Variants in NAT1 observed in about 807,000 individuals in gnomAD.
NAT1 encodes the protein N-acetyltransferase 1.
For missense variants in NAT1, 400 were observed against 339.2 expected, an observed-to-expected ratio of 1.18 and a Z score of -1.41; for synonymous variants, 144 against 122.6, an observed-to-expected ratio of 1.17 and a Z score of -1.16.
intron 2 of NAT1, among the ~76,000 whole-genome samples, chr8:18,189,786 T>C (rs777763603): frequency 5.9e-5 from 9 of 152,140 alleles, no homozygotes; most frequent in South Asian, 2.1e-4. Context: ...TTATGTAGTA[T>C]TGACATTTGA....
chr8:18,196,570 G>A (rs1003717048), intron 2 of NAT1, among the ~76,000 whole-genome samples: 5 of 152,086 alleles, frequency 3.3e-5, no homozygotes, highest in African/African-American at 7.2e-5. Flanking sequence ...ACTTATTACC[G>A]ATACATCTGA....
chr8:18,205,124 T>C (rs141017407), upstream of NAT1, among the ~76,000 whole-genome samples: 11 of 152,294 alleles, frequency 7.2e-5, no homozygotes, highest in East Asian at 2.1e-3. Context: ...AAGCATTTCA[T>C]AGTGCGGTTA....
At chr8:18,184,631 T>C (rs1802657900) in intron 2 of NAT1, among the ~76,000 whole-genome samples, 1 of 152,166 alleles carries the variant, frequency 6.6e-6, no homozygotes, top group African/African-American at 2.4e-5. Flanking sequence ...TATTTGAATG[T>C]TTGTCCCTTC....
In NAT1 at chr8:18,222,095, G is replaced by C. The variant is rs770525399; in HGVS notation, c.48G>C (p.Arg16Ser). ...AAAGAATTGGCTATAAGAAGTCTAG[G>C]AACAAATTGGACTTGGAAACATTAA... ...YLERIGYKKS[R>S]NKLDLETLTD... is the part of the protein sequence containing the mutation. The change falls in exon 3 of 3, where the codon AGG becomes AGC. Residue 16 changes from arginine to serine, a missense_variant. By Grantham distance (110) the Arg-to-Ser change is moderately radical. Transcript: ENST00000307719. The C allele has an allele frequency of 5.6e-6, 9 of 1,613,936 alleles. No individual in the cohort carries two copies. In the African/African-American group the frequency reaches 9.3e-5, roughly 17 times the overall value.
chr8:18,203,871 A>C (rs766022730), intron 2 of NAT1, among the ~76,000 whole-genome samples: 2 of 152,184 alleles, frequency 1.3e-5, no homozygotes, highest in African/African-American at 4.8e-5. Context: ...GAGCTTGCAC[A>C]GGTGAATGCT....
intron 2 of NAT1, among the ~76,000 whole-genome samples, chr8:18,179,350 G>A (rs1802419232): frequency 6.6e-6 from 1 of 152,108 alleles, no homozygotes; most frequent in Admixed American, 6.6e-5. Context: ...ACTGATTTTA[G>A]GGAATTGGTC....
intron 2 of NAT1, among the ~76,000 whole-genome samples, chr8:18,189,579 G>C (rs990386831): frequency 6.6e-6 from 1 of 152,182 alleles, no homozygotes; most frequent in South Asian, 2.1e-4. Flanking sequence ...CAAGGGGAGT[G>C]GGAAGTGATT....
intron 2 of NAT1, among the ~76,000 whole-genome samples, chr8:18,190,925 G>C (rs1802956107): frequency 6.6e-6 from 1 of 151,944 alleles, no homozygotes; most frequent in Non-Finnish European, 1.5e-5. Context: ...AAATTAGCTG[G>C]GTGTGGTGGC....
At chr8:18,207,846 C>T (rs113217420), upstream of NAT1, among the ~76,000 whole-genome samples, 2 of 152,136 alleles carry the variant, frequency 1.3e-5, no homozygotes, top group East Asian at 3.9e-4. Context: ...TTCACAATAG[C>T]AAAGACATGG....
chr8:18,208,101 A>G (rs1483454629), upstream of NAT1, among the ~76,000 whole-genome samples: 2 of 147,798 alleles, frequency 1.4e-5, no homozygotes, highest in Non-Finnish European at 3.0e-5. Context: ...AGCAAGACAC[A>G]CTGGGGCCCG....
At chr8:18,171,793 G>A (rs1802107237) in intron 2 of NAT1, among the ~76,000 whole-genome samples, 1 of 152,188 alleles carries the variant, frequency 6.6e-6, no homozygotes, top group South Asian at 2.1e-4. Flanking sequence ...TTCCTTTAGG[G>A]ACTGAAACAG....
intron 2 of NAT1, among the ~76,000 whole-genome samples, chr8:18,189,027 A>G (rs1802867626): frequency 6.6e-6 from 1 of 151,574 alleles, no homozygotes; most frequent in South Asian, 2.1e-4. Flanking sequence ...GAAAGAAAGA[A>G]AGAAAATCAG....
At chr8:18,187,758 T>C (rs1234220097) in intron 2 of NAT1, among the ~76,000 whole-genome samples, 1 of 151,968 alleles carries the variant, frequency 6.6e-6, no homozygotes, top group Non-Finnish European at 1.5e-5. Flanking sequence ...TAGGGTACTA[T>C]GCATATTACC....
At position 18,223,340 on chromosome 8, in the gene NAT1, G is replaced by A. The variant is rs1248939942; in HGVS notation, c.*420G>A. 1 of 167,000 alleles carries A rather than the reference G, an allele frequency of 6.0e-6. No homozygotes were observed. The highest frequency in any genetic ancestry group is 2.4e-5 in the African/African-American group (1 of 41,448). The allele number at this position is 167,000 out of a possible 1,614,324, so 10.3% of individuals were successfully genotyped here. A position where few individuals can be genotyped will look rare whatever the true frequency, so the allele number is the denominator to read the frequency against. ...TTTGAAAAAAAGTGGTTTTTTGGAA[G>A]ACTTAGGATATTATGGTGCTACATA... On this transcript the variant is annotated 3_prime_UTR_variant, in exon 3 of 3. Transcript: ENST00000307719.
intron 2 of NAT1, among the ~76,000 whole-genome samples, chr8:18,190,690 T>A (rs1270532931): frequency 1.3e-5 from 2 of 152,174 alleles, no homozygotes; most frequent in Non-Finnish European, 2.9e-5. Flanking sequence ...ATGCCTTCTG[T>A]CTTGGACAAA....
chr8:18,211,865 A>C (rs1357633004), intron 1 of NAT1, among the ~76,000 whole-genome samples: 1 of 152,212 alleles, frequency 6.6e-6, no homozygotes, highest in African/African-American at 2.4e-5. Context: ...AAAGCCACTC[A>C]TTGGCTCTCC....
At chr8:18,214,696 C>A (rs1804454859) in intron 1 of NAT1, among the ~76,000 whole-genome samples, 2 of 151,972 alleles carry the variant, frequency 1.3e-5, no homozygotes, top group African/African-American at 4.8e-5. Context: ...ATACATTTTT[C>A]TTAACTTTTA....
chr8:18,187,689 C>G (rs1341126643), intron 2 of NAT1, among the ~76,000 whole-genome samples: 3 of 151,862 alleles, frequency 2.0e-5, no homozygotes, highest in Non-Finnish European at 4.4e-5. Flanking sequence ...ATAACACACA[C>G]TGGGGCCTAC....
rs1001704866 is a variant in NAT1, at chr8:18,174,595, A to G, written n.92+3856A>G. Among the ~76,000 whole-genome samples the G allele has an allele frequency of 1.4e-4, 22 of 152,228 alleles. No individual in the cohort carries two copies. The East Asian group carries it at 4.1e-3, about 28-fold the overall frequency. On this transcript the variant is annotated intron_variant and non_coding_transcript_variant, in intron 2 of 4. Transcript: ENST00000517441. ...GGACCTTCAACTTAACAAATAATTC[A>G]AAATCCGGAGGAGTCCTCACGCCCT...
Sources: allele counts gnomAD v4.1 joint callset (sites outside exome capture counted in the v4.1 genomes callset), GRCh38; gene constraint gnomAD v4.1.1; transcripts MANE v1.5; gene names NCBI Gene and HGNC (gene_info 2026-07-23, HGNC 2026-07-21).